Variants in SLAMF7 observed in about 807,000 individuals in gnomAD.
The protein encoded by SLAMF7 is 19A24 protein.
A neutral mutation model predicts 34.1 loss-of-function variants in SLAMF7; 26 were observed. That is an observed-to-expected ratio of 0.76 (90% confidence interval 0.56 to 1.06). The LOEUF (loss-of-function observed/expected upper bound fraction) is 1.06, where lower values mean the gene tolerates loss of function less well. SLAMF7 is among the 50% of genes least tolerant of loss of function. The pLI is 0.00. For synonymous variants in SLAMF7, 171 were observed against 156.4 expected (o/e 1.09, Z -0.70); for missense variants, 399 against 402.5 (o/e 0.99, Z 0.07).
intron 3 of SLAMF7, 57 bp from the exon 4 acceptor site, chr1:160,750,247 G>T (rs1056999360): frequency 8.8e-6 from 14 of 1,598,570 alleles, no homozygotes; most frequent in Non-Finnish European, 6.8e-6. Flanking sequence ...CAAGACCTGG[G>T]TCGTTTTCCT....
intron 4 of SLAMF7, 37 bp downstream of exon 4, chr1:160,750,460 A>G (rs754404608): frequency 3.7e-6 from 6 of 1,603,244 alleles, no homozygotes; most frequent in African/African-American, 2.7e-5. Context: ...ACCCACATTC[A>G]TGTTTTTCTC....
chr1:160,753,370 A>G lies in SLAMF7; in HGVS notation c.*193A>G. On this transcript the variant is annotated 3_prime_UTR_variant, in exon 7 of 7. Coordinates refer to ENST00000368043, the MANE Select transcript of SLAMF7 (RefSeq NM_021181.5). ...TCATAATTCCATCCACTGCTGAGAA[A>G]TCTCCTCAAACCCAGAAGGTTTAAT... is the stretch of plus-strand genomic sequence containing the variant. 1 of 584,228 alleles carries G rather than the reference A, an allele frequency of 1.7e-6. No homozygotes were observed. The highest frequency in any genetic ancestry group is 3.0e-6 in the Non-Finnish European group (1 of 333,228). 36.2% of individuals were successfully genotyped at this position (584,228 alleles called of 1,614,324 possible).
At position 160,739,262 on chromosome 1, in the gene SLAMF7, G is replaced by A. The variant is rs1438528594; in HGVS notation, c.-40G>A. 1 of 1,590,474 alleles carries A rather than the reference G, an allele frequency of 6.3e-7. No homozygotes were observed. The highest frequency in any genetic ancestry group is 2.2e-5 in the East Asian group (1 of 44,744). ...AGAGGTCTGAGTAATACCTAAGAGG[G>A]AAGTGGCTTCATTTCAGTGGCTGAC... On this transcript the variant is annotated 5_prime_UTR_variant, in exon 1 of 7. Transcript: ENST00000368043.
intron 1 of SLAMF7, among the ~76,000 whole-genome samples, chr1:160,746,650 A>G (rs1664153919): frequency 6.6e-6 from 1 of 152,284 alleles, no homozygotes; most frequent in Non-Finnish European, 1.5e-5. Flanking sequence ...TGATTGCAAA[A>G]GAATAAGAAT....
At chr1:160,750,456 A>T in intron 4 of SLAMF7, 33 bp downstream of exon 4, 4 of 1,605,330 alleles carry the variant, frequency 2.5e-6, no homozygotes, top group Non-Finnish European at 3.4e-6. Flanking sequence ...CCTCACCCAC[A>T]TTCATGTTTT....
intron 1 of SLAMF7, among the ~76,000 whole-genome samples, chr1:160,740,466 C>T (rs1663654677): frequency 6.6e-6 from 1 of 152,070 alleles, no homozygotes; most frequent in Non-Finnish European, 1.5e-5. Flanking sequence ...CCCCCTCTGC[C>T]CTCCTCCAGA....
Position 160,754,583 on chromosome 1 carries a change from T to C in SLAMF7, c.*1406T>C, listed in dbSNP as rs1315941551. ...AAGGGGAAAGGGGAATGGCTGCTTT[T>C]GATATGTTCCCTGACACATATCTTG... On this transcript the variant is annotated 3_prime_UTR_variant, in exon 7 of 7. Transcript: ENST00000368043. 1 of 152,394 alleles carries C rather than the reference T, an allele frequency of 6.6e-6. No homozygotes were observed. Among genetic ancestry groups the C allele is most frequent in the Non-Finnish European group, 1.5e-5 (1 of 68,068 alleles). The allele number at this position is 152,394 out of a possible 1,614,324, so 9.4% of individuals were successfully genotyped here.
At position 160,753,291 on chromosome 1, in the gene SLAMF7, C is replaced by G; in HGVS notation, c.*114C>G. The G allele has an allele frequency of 1.1e-6, 1 of 889,702 alleles. No individual in the cohort carries two copies. The highest frequency in any genetic ancestry group is 2.6e-5 in the East Asian group (1 of 38,314). The allele number at this position is 889,702 out of a possible 1,614,324, so 55.1% of individuals were successfully genotyped here. ...AGAAACATCAAGGAAGAATGAAGAA[C>G]GTTGACTTTTTTCCAGGATAAATTA... On this transcript the variant is annotated 3_prime_UTR_variant, in exon 7 of 7. Coordinates refer to ENST00000368043, the MANE Select transcript of SLAMF7 (RefSeq NM_021181.5).
At chr1:160,752,391 T>C in intron 6 of SLAMF7, 143 bp downstream of exon 6, 1 of 631,030 alleles carries the variant, frequency 1.6e-6, no homozygotes, top group South Asian at 2.1e-5. Context: ...TCCCTTTGCT[T>C]AGGGTTATAC....
At chr1:160,752,616 C>A (rs1400355242) in intron 6 of SLAMF7, among the ~76,000 whole-genome samples, 1 of 152,182 alleles carries the variant, frequency 6.6e-6, no homozygotes, top group African/African-American at 2.4e-5. Context: ...TCCTGAGACA[C>A]CAGGAAACTG....
chr1:160,751,885 TATATATATATATATATACAC>T (rs1558060928), intron 5 of SLAMF7: 8 of 132,452 alleles, frequency 6.0e-5, no homozygotes, highest in African/African-American at 2.2e-4. Flanking sequence ...TATATATATA[TATATATATATATATATACAC>T]ACACATATAT....
At chr1:160,741,351 T>TGAG (rs1403492542) in intron 1 of SLAMF7, among the ~76,000 whole-genome samples, 2 of 151,626 alleles carry the variant, frequency 1.3e-5, no homozygotes, top group Non-Finnish European at 2.9e-5. Context: ...AGGAGATGAG[T>TGAG]GAGGAGCAGA....
chr1:160,749,540 T>G (rs1664390139), intron 2 of SLAMF7, among the ~76,000 whole-genome samples: 2 of 152,398 alleles, frequency 1.3e-5, no homozygotes, highest in South Asian at 4.1e-4. Context: ...ATCACAGTGC[T>G]TGCCATGTGG....
intron 1 of SLAMF7, among the ~76,000 whole-genome samples, chr1:160,747,679 A>G (rs930655330): frequency 1.4e-4 from 21 of 152,360 alleles, no homozygotes; most frequent in African/African-American, 4.6e-4. Context: ...CGCCTGGGCA[A>G]CAGAGTGAGA....
In SLAMF7 at chr1:160,753,265, T is replaced by A; in HGVS notation, c.*88T>A. ...AATCAGAAGAATTCACTGATTTGAC[T>A]AGAAACATCAAGGAAGAATGAAGAA... On this transcript the variant is annotated 3_prime_UTR_variant, in exon 7 of 7. Coordinates refer to ENST00000368043, the MANE Select transcript of SLAMF7 (RefSeq NM_021181.5). 9.0e-7 allele frequency: 1 copy of A among 1,115,262 alleles called. No individual in the cohort carries two copies. The highest frequency in any genetic ancestry group is 1.3e-6 in the Non-Finnish European group (1 of 755,106). The allele number at this position is 1,115,262 out of a possible 1,614,324, so 69.1% of individuals were successfully genotyped here. A position where few individuals can be genotyped will look rare whatever the true frequency, so the allele number is the denominator to read the frequency against.
At chr1:160,742,848 C>A (rs1039301803) in intron 1 of SLAMF7, among the ~76,000 whole-genome samples, 1 of 152,164 alleles carries the variant, frequency 6.6e-6, no homozygotes, top group Non-Finnish European at 1.5e-5. Flanking sequence ...CTGTATCTCA[C>A]GGGGCTGTTC....
Position 160,749,838 on chromosome 1 carries a change from A to G in SLAMF7, c.394A>G (p.Lys132Glu), listed in dbSNP as rs1571123732. The G allele has an allele frequency of 2.5e-6, 4 of 1,601,254 alleles. No homozygotes were observed. In the East Asian group the frequency reaches 8.9e-5, roughly 36 times the overall value. The change falls in exon 3 of 7, where the codon AAA becomes GAA. Residue 132 changes from lysine to glutamate, a missense_variant. By Grantham distance (56) the Lys-to-Glu change is moderately conservative. Transcript: ENST00000368043. ...LHVYEHLSKP[K>E]VTMGLQSNKN... ...TCTCACAGAGCACCTGTCAAAGCCT[A>G]AAGTCACCATGGGTCTGCAGAGCAA...
At position 160,754,568 on chromosome 1, in the gene SLAMF7, G is replaced by C. The variant is rs1319232320; in HGVS notation, c.*1391G>C. On this transcript the variant is annotated 3_prime_UTR_variant, in exon 7 of 7. Transcript: ENST00000368043. ...GTGAAAAACATGGGGAAGGGGAAAG[G>C]GGAATGGCTGCTTTTGATATGTTCC... The C allele has an allele frequency of 6.6e-6, 1 of 152,286 alleles. No individual in the cohort carries two copies. Among genetic ancestry groups the C allele is most frequent in the Non-Finnish European group, 1.5e-5 (1 of 68,042 alleles). 9.4% of individuals were successfully genotyped at this position (152,286 alleles called of 1,614,324 possible).
Position 160,748,447 on chromosome 1 carries a change from C to T in SLAMF7, c.309C>T (p.Tyr103=), listed in dbSNP as rs767719909. The change falls in exon 2 of 7, where the codon TAC becomes TAT. Residue 103 remains tyrosine (Y), a synonymous_variant. Coordinates refer to ENST00000368043, the MANE Select transcript of SLAMF7 (RefSeq NM_021181.5). ...SKLKKNDSGI[Y]YVGIYSSSLQ... ...TGAAGAAGAATGACTCAGGGATCTA[C>T]TATGTGGGGATATACAGCTCATCAC... 6.2e-7 allele frequency: 1 copy of T among 1,614,130 alleles called. No homozygotes were observed. The highest frequency in any genetic ancestry group is 2.2e-5 in the East Asian group (1 of 44,886).
Sources: allele counts gnomAD v4.1 joint callset (sites outside exome capture counted in the v4.1 genomes callset), GRCh38; gene constraint gnomAD v4.1.1; transcripts MANE v1.5; gene names NCBI Gene and HGNC (gene_info 2026-07-23, HGNC 2026-07-21).